Variants in TTC3 observed in about 807,000 individuals in gnomAD.
TTC3 encodes tetratricopeptide repeat domain 3.
TTC3 carries 180 observed loss-of-function variants against 249.6 expected under a neutral mutation model. The ratio of observed to expected loss-of-function variants is 0.72; its 90% CI spans 0.64 to 0.82. TTC3 has a LOEUF of 0.82. TTC3 is among the 40% of genes least tolerant of loss of function. TTC3 has a pLI of 0.00. For synonymous variants in TTC3, 717 were observed against 805.0 expected (o/e 0.89, Z 1.85); for missense variants, 2,061 against 2,398.4 (o/e 0.86, Z 2.94).
At chr21:37,088,776 T>TA in intron 4 of TTC3, 23 bp from the exon 5 acceptor site, 1 of 1,597,260 alleles carries the variant, frequency 6.3e-7, no homozygotes, top group Non-Finnish European at 8.5e-7. Context: ...TCTAATCTTT[T>TA]AAAAAATAAA....
At chr21:37,185,279 G>A (rs546922665) in intron 36 of TTC3, among the ~76,000 whole-genome samples, 10 of 152,306 alleles carry the variant, frequency 6.6e-5, no homozygotes, top group African/African-American at 2.2e-4. Flanking sequence ...GTGCGCACCC[G>A]CGTGTGTGCA....
chr21:37,108,488 A>G, intron 11 of TTC3, 42 bp downstream of exon 11: 1 of 1,557,458 alleles, frequency 6.4e-7, no homozygotes, highest in East Asian at 2.2e-5. Context: ...ATAATGCCAT[A>G]CAACATTGTG....
Position 37,138,706 on chromosome 21 carries a change from C to T in TTC3, c.1651C>T (p.Gln551Ter), listed in dbSNP as rs1367164923. 4.4e-6 allele frequency: 7 copies of T among 1,607,564 alleles called. No homozygotes were observed. The highest frequency in any genetic ancestry group is 1.7e-5 in the Admixed American group (1 of 59,792). Residue 551 changes from glutamine to a stop codon, truncating the protein, a stop_gained, in exon 19 of 46, where the codon CAG becomes TAG. Coordinates refer to ENST00000355666, the Ensembl canonical transcript of TTC3. LOFTEE classifies it high-confidence loss of function. ...TGCCATTTCTCTCCTTGGAATAGGA[C>T]AGCCTGAGGTAAGATTTGTAACAGT... is the stretch of plus-strand genomic sequence containing the variant.
intron 18 of TTC3, among the ~76,000 whole-genome samples, chr21:37,136,015 G>A (rs1027849202): frequency 6.6e-6 from 1 of 152,070 alleles, no homozygotes; most frequent in African/African-American, 2.4e-5. Flanking sequence ...CACTGTATCT[G>A]TGATCAGTGA....
At chr21:37,073,315 G>GGCTGCGGCGGCGGCT (rs2070291116) in exon 1 of TTC3, 1 of 379,030 alleles carries the variant, frequency 2.6e-6, no homozygotes, top group Non-Finnish European at 3.6e-6. Context: ...CGGCGGCGGC[G>GGCTGCGGCGGCGGCT]GCTGCTGCTG....
At chr21:37,089,396 G>A (rs1316536763) in intron 5 of TTC3, among the ~76,000 whole-genome samples, 1 of 151,972 alleles carries the variant, frequency 6.6e-6, no homozygotes, top group Non-Finnish European at 1.5e-5. Flanking sequence ...GTCAAGTGTT[G>A]TTCTTGGTAC....
At chr21:37,118,306 A>G (rs1350618120) in intron 11 of TTC3, among the ~76,000 whole-genome samples, 1 of 152,172 alleles carries the variant, frequency 6.6e-6, no homozygotes, top group Non-Finnish European at 1.5e-5. Context: ...GTAGATTTCT[A>G]TGTGAGGGTA....
chr21:37,099,877 C>A (rs2074306575), intron 10 of TTC3, among the ~76,000 whole-genome samples: 1 of 152,134 alleles, frequency 6.6e-6, no homozygotes, highest in Non-Finnish European at 1.5e-5. Flanking sequence ...ATGAAAACGA[C>A]CTAAATGGCC....
intron 21 of TTC3, among the ~76,000 whole-genome samples, chr21:37,147,277 C>A (rs1459276188): frequency 2.0e-5 from 3 of 152,146 alleles, no homozygotes; most frequent in Non-Finnish European, 4.4e-5. Context: ...GTCCAGTCCT[C>A]TTTTTAAATC....
rs61629167 is a variant in TTC3 at position 37,076,694 on chromosome 21, ATTTT to A, written c.-12+3353_-12+3356del. Among the ~76,000 whole-genome samples the A allele has an allele frequency of 1.1e-4, 10 of 95,004 alleles. No individual in the cohort carries two copies. In the South Asian group the frequency reaches 1.2e-3, roughly 12 times the overall value. The allele number at this position is 95,004 out of a possible 152,430, so 62.3% of individuals were successfully genotyped here. ...AAACTCCCTTGGGGAAAACAAAGGG[ATTTT>A]TTTTTTTTTTTTTTTTTTTTTTGAG... On this transcript the variant is annotated intron_variant, in intron 1 of 45. Coordinates refer to ENST00000355666, the Ensembl canonical transcript of TTC3.
chr21:37,197,871 T>C lies in TTC3; in HGVS notation c.5707-11T>C. 6.2e-7 allele frequency: 1 copy of C among 1,610,188 alleles called. No individual in the cohort carries two copies. The highest frequency in any genetic ancestry group is 8.5e-7 in the Non-Finnish European group (1 of 1,178,956). On this transcript the variant is annotated splice_polypyrimidine_tract_variant and intron_variant, in intron 43 of 45. Transcript: ENST00000355666. Reference sequence around the variant, plus strand: ...CTTGTCCCCTCCCCGCCACCCCTGTTATTTTCGCAGCCAAACCCAGGAAAG... The same window carrying C: ...CTTGTCCCCTCCCCGCCACCCCTGTCATTTTCGCAGCCAAACCCAGGAAAG...
chr21:37,120,348 C>G (rs1225791168), intron 11 of TTC3, among the ~76,000 whole-genome samples: 1 of 152,036 alleles, frequency 6.6e-6, no homozygotes, highest in Non-Finnish European at 1.5e-5. Context: ...ACAGGAGTTA[C>G]ATTATGTTTT....
At chr21:37,077,654 T>A (rs904189880) in intron 1 of TTC3, among the ~76,000 whole-genome samples, 6 of 152,226 alleles carry the variant, frequency 3.9e-5, no homozygotes, top group Non-Finnish European at 4.4e-5. Context: ...GATGCATCAT[T>A]GTGGTTTTAA....
chr21:37,138,659 A>G (rs754483604), exon 19 of TTC3: 4 of 1,612,408 alleles, frequency 2.5e-6, no homozygotes, highest in Non-Finnish European at 3.4e-6. Flanking sequence ...ATGATTAACT[A>G]TGTTTTGGTC....
intron 31 of TTC3, among the ~76,000 whole-genome samples, chr21:37,163,062 A>C (rs992059393): frequency 6.6e-6 from 1 of 152,250 alleles, no homozygotes; most frequent in African/African-American, 2.4e-5. Flanking sequence ...AGAAACACAA[A>C]CATTCAGACC....
chr21:37,172,541 A>G (rs1164248443), intron 34 of TTC3, 54 bp from the exon 35 acceptor site: 3 of 1,549,600 alleles, frequency 1.9e-6, no homozygotes, highest in South Asian at 1.2e-5. Context: ...GAACAAGATC[A>G]TAAGTAGGCA....
intron 18 of TTC3, among the ~76,000 whole-genome samples, chr21:37,135,979 A>G (rs2077896730): frequency 6.6e-6 from 1 of 152,210 alleles, no homozygotes; most frequent in African/African-American, 2.4e-5. Flanking sequence ...TTCTCACAAT[A>G]TGTCAAACTT....
chr21:37,151,019 T>G (rs1303305320), intron 25 of TTC3, 135 bp downstream of exon 25: 1 of 552,716 alleles, frequency 1.8e-6, no homozygotes, highest in East Asian at 3.4e-5. Context: ...TTTTTTAAAA[T>G]GATTTTTATG....
Position 37,124,751 on chromosome 21 carries a change from C to T in TTC3, c.1233+9C>T, listed in dbSNP as rs1232558638. ...GTAATCAGAATCTAAAGGTAAGCTC[C>T]ATTGAAAACTACAGTTTTTTTCAAG... On this transcript the variant is annotated intron_variant, in intron 14 of 45. Coordinates refer to ENST00000355666, the Ensembl canonical transcript of TTC3. The T allele has an allele frequency of 1.9e-6, 3 of 1,606,024 alleles. No homozygotes were observed. In the Admixed American group the frequency reaches 5.1e-5, roughly 27 times the overall value.
Sources: gnomAD v4.1 joint callset for allele counts (sites outside exome capture counted in the v4.1 genomes callset) on GRCh38, gnomAD v4.1.1 for gene constraint, MANE v1.5 for transcripts, NCBI Gene and HGNC (gene_info 2026-07-23, HGNC 2026-07-21) for gene names.